Variants in NLGN1 observed in about 807,000 individuals in gnomAD.
NLGN1 encodes neuroligin 1, also known as neuroligin-1.
In NLGN1, 12 loss-of-function variants were observed where a neutral mutation model predicts 65.5. The observed-to-expected ratio is 0.18, with a 90% CI of 0.12 to 0.30. The LOEUF is 0.30. Among genes scored for constraint, NLGN1 ranks in the 10% least tolerant of loss-of-function variants. The pLI is 1.00. For synonymous variants in NLGN1, 350 were observed against 359.5 expected (o/e 0.97, Z 0.30); for missense variants, 750 against 1,007.1 (o/e 0.74, Z 3.46).
intron 2 of NLGN1, among the ~76,000 whole-genome samples, chr3:173,529,377 G>A (rs765481901): frequency 2.0e-5 from 3 of 152,144 alleles, no homozygotes; most frequent in South Asian, 2.1e-4. Flanking sequence ...AGCCCTGTTC[G>A]GGGTGAAGGG....
chr3:173,452,389 T>G (rs981608417), intron 2 of NLGN1, among the ~76,000 whole-genome samples: 2 of 152,106 alleles, frequency 1.3e-5, no homozygotes, highest in African/African-American at 2.4e-5. Flanking sequence ...GGTTTCATCG[T>G]GTTAGCTAGG....
At chr3:174,014,644 T>C (rs1215851120) in intron 4 of NLGN1, among the ~76,000 whole-genome samples, 1 of 152,230 alleles carries the variant, frequency 6.6e-6, no homozygotes, top group Non-Finnish European at 1.5e-5. Context: ...TCTCTTTCCT[T>C]GATCTCAATG....
chr3:173,825,059 G>T (rs984365621), intron 4 of NLGN1, among the ~76,000 whole-genome samples: 4 of 151,984 alleles, frequency 2.6e-5, no homozygotes, highest in Non-Finnish European at 5.9e-5. Flanking sequence ...CACAAATTGT[G>T]CCCAAGAGAA....
intron 4 of NLGN1, among the ~76,000 whole-genome samples, chr3:174,169,077 T>C (rs1409915652): frequency 1.3e-5 from 2 of 152,132 alleles, no homozygotes; most frequent in African/African-American, 4.8e-5. Flanking sequence ...TGGTTGGAGA[T>C]CTGCCTGGGC....
At chr3:173,785,155 C>G (rs1420555215) in intron 3 of NLGN1, among the ~76,000 whole-genome samples, 3 of 152,214 alleles carry the variant, frequency 2.0e-5, no homozygotes, top group Non-Finnish European at 2.9e-5. Flanking sequence ...CGCCCCACTT[C>G]CCTGGCTTCT....
At chr3:173,517,520 ATATATTTCAC>A in intron 2 of NLGN1, among the ~76,000 whole-genome samples, 1 of 152,164 alleles carries the variant, frequency 6.6e-6, no homozygotes, top group South Asian at 2.1e-4. Context: ...ACTAATATAT[ATATATTTCAC>A]TATATTTCAC....
intron 2 of NLGN1, among the ~76,000 whole-genome samples, chr3:173,474,358 G>A (rs1011611834): frequency 6.6e-6 from 1 of 152,114 alleles, no homozygotes; most frequent in African/African-American, 2.4e-5. Flanking sequence ...GATTGGAAAA[G>A]TGGCAATTAT....
chr3:173,629,532 T>G (rs1318104073), intron 3 of NLGN1, among the ~76,000 whole-genome samples: 1 of 152,136 alleles, frequency 6.6e-6, no homozygotes, highest in Non-Finnish European at 1.5e-5. Flanking sequence ...AGACTTAGCT[T>G]TAGGTATGAT....
At chr3:174,034,178 A>C (rs1254352960) in intron 4 of NLGN1, among the ~76,000 whole-genome samples, 1 of 152,130 alleles carries the variant, frequency 6.6e-6, no homozygotes. Context: ...GCTGAAAAAG[A>C]GAGAAAAACC....
At chr3:173,765,619 C>T (rs1050129442) in intron 3 of NLGN1, among the ~76,000 whole-genome samples, 4 of 152,184 alleles carry the variant, frequency 2.6e-5, no homozygotes, top group South Asian at 2.1e-4. Context: ...TAAAGCCATA[C>T]ATCCCATTGT....
At chr3:173,940,225 A>G (rs891616845) in intron 4 of NLGN1, among the ~76,000 whole-genome samples, 5 of 151,462 alleles carry the variant, frequency 3.3e-5, no homozygotes, top group African/African-American at 4.9e-5. Flanking sequence ...AATAGCTGGG[A>G]TTACAGGCAT....
At chr3:173,600,462 A>G (rs1028423931) in intron 2 of NLGN1, among the ~76,000 whole-genome samples, 3 of 152,050 alleles carry the variant, frequency 2.0e-5, no homozygotes, top group African/African-American at 7.2e-5. Context: ...GAGGGACATA[A>G]AGATATTTTT....
intron 4 of NLGN1, among the ~76,000 whole-genome samples, chr3:174,094,324 C>T (rs900448711): frequency 6.6e-6 from 1 of 152,206 alleles, no homozygotes; most frequent in Non-Finnish European, 1.5e-5. Flanking sequence ...ATTTTAAATA[C>T]TCATTATCTT....
chr3:174,291,687 C>T, the NLGN1 span, among the ~76,000 whole-genome samples: 22 of 151,254 alleles, frequency 1.5e-4, no homozygotes, highest in Admixed American at 5.3e-4. Flanking sequence ...CATGGACAAA[C>T]TGTTATTGGC....
chr3:173,408,420 C>T (rs991387668), intron 1 of NLGN1, among the ~76,000 whole-genome samples: 3 of 152,142 alleles, frequency 2.0e-5, no homozygotes, highest in East Asian at 1.9e-4. Context: ...TGTATTCTTC[C>T]GTTTCTACTA....
intron 3 of NLGN1, among the ~76,000 whole-genome samples, chr3:173,699,515 C>T (rs1766793142): frequency 1.3e-5 from 2 of 152,284 alleles, no homozygotes; most frequent in South Asian, 2.1e-4. Context: ...TCTGCTTTGT[C>T]ATGGATTCTT....
intron 3 of NLGN1, among the ~76,000 whole-genome samples, chr3:173,794,103 C>T (rs1713440079): frequency 6.6e-6 from 1 of 152,056 alleles, no homozygotes. Context: ...CACCCTACCT[C>T]CTCATACCCA....
At chr3:173,736,792 ATATATT>A (rs2150085825) in intron 3 of NLGN1, among the ~76,000 whole-genome samples, 1 of 152,204 alleles carries the variant, frequency 6.6e-6, no homozygotes, top group East Asian at 1.9e-4. Flanking sequence ...AAGTAGAAAT[ATATATT>A]TATATTTTTC....
At chr3:173,790,017 T>C (rs1712322355) in intron 3 of NLGN1, 1 of 378,694 alleles carries the variant, frequency 2.6e-6, no homozygotes, top group South Asian at 1.9e-5. Flanking sequence ...CCTCATACCA[T>C]AGGAGGCACA....
Sources: gnomAD v4.1 joint callset for allele counts (sites outside exome capture counted in the v4.1 genomes callset) on GRCh38, gnomAD v4.1.1 for gene constraint, MANE v1.5 for transcripts, NCBI Gene and HGNC (gene_info 2026-07-23, HGNC 2026-07-21) for gene names.